Variants in KCNQ1 observed in about 807,000 individuals in gnomAD.
KCNQ1 encodes potassium voltage-gated channel subfamily Q member 1.
Under a neutral mutation model 72.4 loss-of-function variants are expected in KCNQ1, and 49 were observed. The observed-to-expected ratio is 0.68, with a 90% CI of 0.54 to 0.86. The LOEUF is 0.86. Ranked by LOEUF, KCNQ1 falls within the 40% of genes least tolerant of loss-of-function variation. The pLI, the probability that KCNQ1 is intolerant of heterozygous loss-of-function variation, is 0.00. For synonymous variants in KCNQ1, 450 were observed against 412.6 expected (o/e 1.09, Z -1.10); for missense variants, 790 against 945.1 (o/e 0.84, Z 2.15).
At chr11:2,834,712 T>G (rs558182961) in intron 15 of KCNQ1, among the ~76,000 whole-genome samples, 1 of 152,138 alleles carries the variant, frequency 6.6e-6, no homozygotes, top group Admixed American at 6.5e-5. Flanking sequence ...TGTCCTTATG[T>G]CTGAGAGTTG....
At chr11:2,591,666 G>T (rs1287474613) in intron 10 of KCNQ1, among the ~76,000 whole-genome samples, 3 of 152,254 alleles carry the variant, frequency 2.0e-5, no homozygotes, top group African/African-American at 7.2e-5. Context: ...CATTCAGCCT[G>T]GTTAGTGTTA....
chr11:2,701,034 T>C (rs1850802855), intron 11 of KCNQ1, among the ~76,000 whole-genome samples: 1 of 152,078 alleles, frequency 6.6e-6, no homozygotes, highest in South Asian at 2.1e-4. Context: ...TTCTCGAAAG[T>C]TGTTACAACC....
Position 2,602,278 on chromosome 11 carries a change from G to GAAA in KCNQ1, c.1393+13435_1393+13437dup, listed in dbSNP as rs550636752. ...AGACTTCTGGCCTCTAGAACTGTGA[G>GAAA]AAAAAAAAAAAAAGCGTGTCTTGTT... is the stretch of plus-strand genomic sequence containing the variant. On this transcript the variant is annotated intron_variant, in intron 10 of 15. Coordinates refer to ENST00000155840, the MANE Select transcript of KCNQ1 (RefSeq NM_000218.3). This position sits in a 1 kb window ranked among gnomAD's most constrained non-coding sequence, Gnocchi z 4.8. 1.4e-4 allele frequency among the ~76,000 whole-genome samples: 19 copies of GAAA among 136,920 alleles called. No individual in the cohort carries two copies. Among genetic ancestry groups the GAAA allele is most frequent in the Admixed American group, 8.8e-4 (12 of 13,692 alleles). The allele number at this position is 136,920 out of a possible 152,430, so 89.8% of individuals were successfully genotyped here.
chr11:2,708,232 C>A (rs1242600451), intron 11 of KCNQ1, among the ~76,000 whole-genome samples: 1 of 152,226 alleles, frequency 6.6e-6, no homozygotes, highest in African/African-American at 2.4e-5. Flanking sequence ...ACTTCTTCAG[C>A]AGCCGCTTTG....
In KCNQ1 at chr11:2,623,094, T is replaced by A. The variant is rs1849201787; in HGVS notation, c.1393+34240T>A. On this transcript the variant is annotated intron_variant, in intron 10 of 15. Coordinates refer to ENST00000155840, the MANE Select transcript of KCNQ1 (RefSeq NM_000218.3). The surrounding 1 kb of genome is among the most constrained non-coding windows in gnomAD (Gnocchi z 5.2). ...CATGATAGTGAGTTCTCATGAGATC[T>A]GGTTGTTTAAACGTGTGTGGCACTT... The A allele has an allele frequency of 2.0e-5, 8 of 398,520 alleles. No individual in the cohort carries two copies. Among genetic ancestry groups the A allele is most frequent in the Non-Finnish European group, 3.5e-5 (8 of 226,084 alleles). 24.7% of individuals were successfully genotyped at this position (398,520 alleles called of 1,614,324 possible).
intron 10 of KCNQ1, chr11:2,655,225 C>G (rs1182766762): frequency 7.5e-6 from 3 of 398,476 alleles, no homozygotes; most frequent in Non-Finnish European, 1.3e-5. Flanking sequence ...GTCGCCACGC[C>G]CGAGGCTGCC....
chr11:2,686,311 G>C (rs993950829), intron 11 of KCNQ1: 2 of 398,696 alleles, frequency 5.0e-6, no homozygotes, highest in Non-Finnish European at 8.8e-6. Context: ...CCACACTAGT[G>C]TCACCTGGCC....
Position 2,613,796 on chromosome 11 carries a change from C to A in KCNQ1, c.1393+24942C>A. The A allele has an allele frequency of 2.5e-6, 1 of 398,528 alleles. No individual in the cohort carries two copies. Among genetic ancestry groups the A allele is most frequent in the Non-Finnish European group, 4.4e-6 (1 of 226,036 alleles). The allele number at this position is 398,528 out of a possible 1,614,324, so 24.7% of individuals were successfully genotyped here. On this transcript the variant is annotated intron_variant, in intron 10 of 15. Coordinates refer to ENST00000155840, the MANE Select transcript of KCNQ1 (RefSeq NM_000218.3). This position sits in a 1 kb window ranked among gnomAD's most constrained non-coding sequence, Gnocchi z 4.8. ...TTCCTCTCACCCATATCTCTTCCAT[C>A]CTAATTCCCCCTACCCATTATAGGT...
At chr11:2,561,412 C>T (rs965266289) in intron 2 of KCNQ1, among the ~76,000 whole-genome samples, 6 of 152,202 alleles carry the variant, frequency 3.9e-5, no homozygotes, top group Admixed American at 1.3e-4. Context: ...CCCTGCCCCC[C>T]GAGGACAAGG....
In KCNQ1 at chr11:2,613,537, CATA is replaced by C. The variant is rs1177742310; in HGVS notation, c.1393+24685_1393+24687del. On this transcript the variant is annotated intron_variant, in intron 10 of 15. Coordinates refer to ENST00000155840, the MANE Select transcript of KCNQ1 (RefSeq NM_000218.3). The surrounding 1 kb of genome is among the most constrained non-coding windows in gnomAD (Gnocchi z 4.8). ...GGGAGATGGCAGCCCCACGTTAAAT[CATA>C]ACCCTGCTATTCTTAGGAAGGCTTA... 1.1e-4 allele frequency: 44 copies of C among 398,552 alleles called. No individual in the cohort carries two copies. Among genetic ancestry groups the C allele is most frequent in the Non-Finnish European group, 1.6e-4 (37 of 226,046 alleles). 24.7% of individuals were successfully genotyped at this position (398,552 alleles called of 1,614,324 possible). A position where few individuals can be genotyped will look rare whatever the true frequency, so the allele number is the denominator to read the frequency against.
Position 2,687,554 on chromosome 11 carries a change from C to T in KCNQ1, c.1514+25473C>T. The T allele has an allele frequency of 2.5e-6, 1 of 398,736 alleles. No homozygotes were observed. The highest frequency in any genetic ancestry group is 4.4e-6 in the Non-Finnish European group (1 of 226,158). The allele number at this position is 398,736 out of a possible 1,614,324, so 24.7% of individuals were successfully genotyped here. On this transcript the variant is annotated intron_variant, in intron 11 of 15. Coordinates refer to ENST00000155840, the MANE Select transcript of KCNQ1 (RefSeq NM_000218.3). This position sits in a 1 kb window ranked among gnomAD's most constrained non-coding sequence, Gnocchi z 5.0. ...CCCTTCCCTGGTGCACCTACCACAG[C>T]CCACTCTGATGACCCCCTGTCAAGG...
rs369105849 is a variant in KCNQ1 at position 2,471,707 on chromosome 11, T to TGTGTGTATGTGTGCATGGGC, written c.386+26250_386+26269dup. On this transcript the variant is annotated intron_variant, in intron 1 of 15. Transcript: ENST00000155840. The surrounding 1 kb of genome is among the most constrained non-coding windows in gnomAD (Gnocchi z 4.8). ...GTATGGGTGTGCATGTGTGTATAGG[T>TGTGTGTATGTGTGCATGGGC]GTGTGTATGTGTGCATGGGCGTGTG... Among the ~76,000 whole-genome samples, 20 of 150,232 alleles carry TGTGTGTATGTGTGCATGGGC rather than the reference T, an allele frequency of 1.3e-4. No homozygotes were observed. Among genetic ancestry groups the TGTGTGTATGTGTGCATGGGC allele is most frequent in the South Asian group, 1.0e-3 (5 of 4,762 alleles).
rs563510071 is a variant in KCNQ1, at chr11:2,545,523, T to C, written c.477+17505T>C. 2.0e-5 allele frequency among the ~76,000 whole-genome samples: 3 copies of C among 152,360 alleles called. 1 individual carries two copies. Among genetic ancestry groups the C allele is most frequent in the African/African-American group, 7.2e-5 (3 of 41,584 alleles). ...ATAATAATTATATTCAGGTAATTGA[T>C]AATAGTTATATTCAGGTGATTGATA... is the stretch of plus-strand genomic sequence containing the variant. On this transcript the variant is annotated intron_variant, in intron 2 of 15. Coordinates refer to ENST00000155840, the MANE Select transcript of KCNQ1 (RefSeq NM_000218.3).
At position 2,715,951 on chromosome 11, in the gene KCNQ1, C is replaced by T. The variant is rs1186476501; in HGVS notation, c.1515-52893C>T. 2.6e-5 allele frequency among the ~76,000 whole-genome samples: 4 copies of T among 151,902 alleles called. No homozygotes were observed. The highest frequency in any genetic ancestry group is 2.4e-5 in the African/African-American group (1 of 41,172). On this transcript the variant is annotated intron_variant, in intron 11 of 15. Coordinates refer to ENST00000155840, the MANE Select transcript of KCNQ1 (RefSeq NM_000218.3). The surrounding 1 kb of genome is among the most constrained non-coding windows in gnomAD (Gnocchi z 4.9). ...GGTGATGCAAACCATAAACCTGTCC[C>T]CCACGTCACCTCCAAACCCTTTGGG...
chr11:2,641,132 G>A (rs149851648), intron 10 of KCNQ1: 124 of 398,428 alleles, frequency 3.1e-4, no homozygotes, highest in African/African-American at 2.4e-3. Context: ...TAAACACGGG[G>A]ATGCAGGTAC....
At chr11:2,754,108 A>G (rs1199156521) in intron 11 of KCNQ1, among the ~76,000 whole-genome samples, 1 of 152,276 alleles carries the variant, frequency 6.6e-6, no homozygotes, top group African/African-American at 2.4e-5. Context: ...AGAGATGCAG[A>G]TCAAAACCAC....
In KCNQ1 at chr11:2,723,066, T is replaced by C. The variant is rs1348094436; in HGVS notation, c.1515-45778T>C. Among the ~76,000 whole-genome samples the C allele has an allele frequency of 1.3e-5, 2 of 152,182 alleles. No homozygotes were observed. Among genetic ancestry groups the C allele is most frequent in the African/African-American group, 4.8e-5 (2 of 41,438 alleles). The stretch of plus-strand genomic sequence containing the variant: ...GGCCTCCATTCCCGTGCCAGGGTGG[T>C]CTGAGCGGAGAGGACAGGGGGGATC... On this transcript the variant is annotated intron_variant, in intron 11 of 15. Coordinates refer to ENST00000155840, the MANE Select transcript of KCNQ1 (RefSeq NM_000218.3). The surrounding 1 kb of genome is among the most constrained non-coding windows in gnomAD (Gnocchi z 4.2).
At chr11:2,514,086 TG>T (rs1847250521) in intron 1 of KCNQ1, among the ~76,000 whole-genome samples, 1 of 152,180 alleles carries the variant, frequency 6.6e-6, no homozygotes, top group Non-Finnish European at 1.5e-5. Flanking sequence ...TTCCCCAACC[TG>T]AGCTGCCCTC....
intron 11 of KCNQ1, chr11:2,686,398 G>T: frequency 2.5e-6 from 1 of 398,644 alleles, no homozygotes; most frequent in South Asian, 1.3e-4. Context: ...CCCAACCCCT[G>T]ACTAGGATAT....
Sources: allele counts gnomAD v4.1 joint callset (sites outside exome capture counted in the v4.1 genomes callset), GRCh38; gene constraint gnomAD v4.1.1; non-coding constraint Gnocchi (gnomAD v3.1); transcripts MANE v1.5; gene names NCBI Gene and HGNC (gene_info 2026-07-23, HGNC 2026-07-21).